The following WWTR1 variants were observed in gnomAD, a reference collection of about 807,000 sequenced individuals.
WWTR1 encodes WW domain containing transcription regulator 1.
In WWTR1, 13 loss-of-function variants were observed where a neutral mutation model predicts 40.1. That is an observed-to-expected ratio of 0.32 (90% CI 0.21 to 0.52). The LOEUF (loss-of-function observed/expected upper bound fraction) is 0.52, where lower values mean the gene tolerates loss of function less well. Ranked by LOEUF, WWTR1 falls within the 20% of genes least tolerant of loss-of-function variation. The probability of loss-of-function intolerance (pLI) is 0.97; values close to 1 mark genes in which losing one functional copy is unlikely to be tolerated. For missense variants in WWTR1, 436 were observed against 523.1 expected (o/e 0.83, Z 1.63); for synonymous variants, 230 against 210.1 (o/e 1.09, Z -0.82).
chr3:149,608,590 T>C (rs1387988728), intron 2 of WWTR1, among the ~76,000 whole-genome samples: 1 of 152,004 alleles, frequency 6.6e-6, no homozygotes. Flanking sequence ...GGTTTCACCA[T>C]ACTGGCCAGG....
chr3:149,622,689 C>CAAACCA (rs553417560), intron 2 of WWTR1, among the ~76,000 whole-genome samples: 135 of 151,978 alleles, frequency 8.9e-4, no homozygotes, highest in African/African-American at 3.2e-3. Flanking sequence ...AAAACCAAAC[C>CAAACCA]AAACCAAAAC....
chr3:149,697,517 CA>C (rs1368617855), intron 1 of WWTR1, among the ~76,000 whole-genome samples: 1 of 152,102 alleles, frequency 6.6e-6, no homozygotes, highest in East Asian at 1.9e-4. Context: ...CCACACTACC[CA>C]AAGCCCCATG....
At chr3:149,682,464 G>A (rs933242839) in intron 1 of WWTR1, among the ~76,000 whole-genome samples, 4 of 152,158 alleles carry the variant, frequency 2.6e-5, no homozygotes, top group Non-Finnish European at 2.9e-5. Context: ...TAAGAGGCTG[G>A]TTTTTCTACT....
intron 2 of WWTR1, among the ~76,000 whole-genome samples, chr3:149,639,094 C>T (rs1240696615): frequency 6.6e-6 from 1 of 152,182 alleles, no homozygotes; most frequent in South Asian, 2.1e-4. Context: ...TTCAAGGCAG[C>T]CCATTCCAAA....
chr3:149,623,286 C>T (rs892846566), intron 2 of WWTR1, among the ~76,000 whole-genome samples: 26 of 152,180 alleles, frequency 1.7e-4, no homozygotes, highest in African/African-American at 4.8e-4. Context: ...TCACTTGAAC[C>T]TGGGAAGTGG....
chr3:149,674,071 T>TAAAAAAAAAAAAAAAA, intron 1 of WWTR1, among the ~76,000 whole-genome samples: 1 of 62,294 alleles, frequency 1.6e-5, no homozygotes, highest in African/African-American at 5.3e-5. Flanking sequence ...AAAAAAAAAT[T>TAAAAAAAAAAAAAAAA]AGCTGGGCAT....
intron 2 of WWTR1, 139 bp downstream of exon 2, chr3:149,656,737 G>T: frequency 1.1e-6 from 1 of 872,058 alleles, no homozygotes; most frequent in Non-Finnish European, 1.6e-6. Flanking sequence ...TGAAATAACC[G>T]TGGAAGGACA....
intron 3 of WWTR1, among the ~76,000 whole-genome samples, chr3:149,554,154 C>T (rs1308019372): frequency 6.6e-6 from 1 of 152,168 alleles, no homozygotes; most frequent in Non-Finnish European, 1.5e-5. Flanking sequence ...TCACACTGAG[C>T]CCTTTATTCC....
chr3:149,621,805 T>A (rs1486274875), intron 2 of WWTR1, among the ~76,000 whole-genome samples: 1 of 152,252 alleles, frequency 6.6e-6, no homozygotes, highest in African/African-American at 2.4e-5. Context: ...ACCAGTGACC[T>A]AACATTAAAC....
intron 2 of WWTR1, among the ~76,000 whole-genome samples, chr3:149,623,914 C>T (rs914515988): frequency 2.6e-5 from 4 of 152,174 alleles, no homozygotes; most frequent in Admixed American, 2.6e-4. Flanking sequence ...TGCTCTCTTG[C>T]ATATATGCTT....
rs756230933 is a variant in WWTR1, at chr3:149,657,223, G to A, written c.84C>T (p.Leu28=). 6.2e-7 allele frequency: 1 copy of A among 1,613,080 alleles called. No homozygotes were observed. Among genetic ancestry groups the A allele is most frequent in the East Asian group, 2.2e-5 (1 of 44,872 alleles). ...IHVTQDLDTD[L]EALFNSVMNP... ...TCATGACAGAGTTGAAGAGGGCTTC[G>A]AGGTCTGTGTCTAGGTCCTGCGTGA... The change falls in exon 2 of 7, where the codon CTC becomes CTT. Residue 28 remains leucine (L), a synonymous_variant. Transcript: ENST00000360632.
chr3:149,700,062 C>T (rs1452150174), intron 1 of WWTR1, among the ~76,000 whole-genome samples: 3 of 152,216 alleles, frequency 2.0e-5, no homozygotes, highest in Non-Finnish European at 4.4e-5. Flanking sequence ...AACATCTATT[C>T]AGCTTCTGGT....
chr3:149,693,877 A>G (rs1187316371), intron 1 of WWTR1, among the ~76,000 whole-genome samples: 2 of 152,244 alleles, frequency 1.3e-5, no homozygotes, highest in African/African-American at 4.8e-5. Context: ...AATCAAATAT[A>G]AATGGATTAA....
chr3:149,645,363 G>A (rs1019216151), intron 2 of WWTR1, among the ~76,000 whole-genome samples: 96 of 152,144 alleles, frequency 6.3e-4, no homozygotes, highest in African/African-American at 2.3e-3. Context: ...ACAGGTGTGA[G>A]CCACCACGCC....
At chr3:149,690,798 A>G (rs911601310) in intron 1 of WWTR1, among the ~76,000 whole-genome samples, 1 of 152,226 alleles carries the variant, frequency 6.6e-6, no homozygotes, top group African/African-American at 2.4e-5. Flanking sequence ...ATTTCATCCA[A>G]TGGCTACAGA....
intron 4 of WWTR1, among the ~76,000 whole-genome samples, chr3:149,535,444 T>C (rs951496189): frequency 6.6e-6 from 1 of 152,140 alleles, no homozygotes; most frequent in Non-Finnish European, 1.5e-5. Context: ...TAAAATGCAC[T>C]GTCACACTTC....
rs368624400 is a variant in WWTR1 at position 149,569,950 on chromosome 3, T to C, written c.568+2914A>G. On this transcript the variant is annotated intron_variant, in intron 3 of 6. Coordinates refer to ENST00000360632, the MANE Select transcript of WWTR1 (RefSeq NM_015472.6). ...TCAGAGCCTTCCAAGTAGCTGGGAC[T>C]ACAGGGATGCACCTCTACACCCAGC... Among the ~76,000 whole-genome samples, 9 of 152,328 alleles carry C rather than the reference T, an allele frequency of 5.9e-5. No individual in the cohort carries two copies. In the East Asian group the frequency reaches 1.7e-3, roughly 29 times the overall value.
At chr3:149,684,918 A>C (rs190320244) in intron 1 of WWTR1, among the ~76,000 whole-genome samples, 1 of 152,110 alleles carries the variant, frequency 6.6e-6, no homozygotes, top group Admixed American at 6.6e-5. Flanking sequence ...TTCCAACTTC[A>C]GTTCAGATCT....
At chr3:149,603,948 G>T (rs755284828) in intron 2 of WWTR1, among the ~76,000 whole-genome samples, 1 of 150,946 alleles carries the variant, frequency 6.6e-6, no homozygotes, top group Non-Finnish European at 1.5e-5. Context: ...ATTTTGCCAC[G>T]GTCATAGATT....
Sources: allele counts gnomAD v4.1 joint callset (sites outside exome capture counted in the v4.1 genomes callset), GRCh38; gene constraint gnomAD v4.1.1; transcripts MANE v1.5; gene names NCBI Gene and HGNC (gene_info 2026-07-23, HGNC 2026-07-21).